The following CACNA1E variants were observed in gnomAD, a reference collection of about 807,000 sequenced individuals.
CACNA1E encodes calcium voltage-gated channel subunit alpha1 E.
Under a neutral mutation model 259.2 loss-of-function variants are expected in CACNA1E, and 40 were observed. That is an observed-to-expected ratio of 0.15 (90% CI 0.12 to 0.20). The LOEUF is 0.20. Ranked by LOEUF, CACNA1E falls within the 10% of genes least tolerant of loss-of-function variation. The pLI, the probability that CACNA1E is intolerant of heterozygous loss-of-function variation, is 1.00. For missense variants in CACNA1E, 1,874 were observed against 3,040.1 expected, an observed-to-expected ratio of 0.62 and a Z score of 9.02; for synonymous variants, 1,104 against 1,138.5, an observed-to-expected ratio of 0.97 and a Z score of 0.61.
chr1:181,704,318 G>C (rs1260568823), intron 7 of CACNA1E, among the ~76,000 whole-genome samples: 1 of 152,120 alleles, frequency 6.6e-6, no homozygotes, highest in African/African-American at 2.4e-5. Flanking sequence ...ACATTGAAGA[G>C]GCTCACCCTA....
At chr1:181,726,777 G>A (rs1654945335) in intron 18 of CACNA1E, among the ~76,000 whole-genome samples, 1 of 152,190 alleles carries the variant, frequency 6.6e-6, no homozygotes. Context: ...CCAGAGTGGA[G>A]GCAGGGAAAG....
chr1:181,604,067 G>C (rs1274976850), intron 6 of CACNA1E, among the ~76,000 whole-genome samples: 1 of 152,212 alleles, frequency 6.6e-6, no homozygotes, highest in East Asian at 1.9e-4. Flanking sequence ...TTTTAAGGGA[G>C]AGGCCAGTCT....
intron 6 of CACNA1E, among the ~76,000 whole-genome samples, chr1:181,592,393 T>G (rs2103028433): frequency 6.7e-6 from 1 of 150,306 alleles, no homozygotes; most frequent in Admixed American, 6.6e-5. Context: ...GCAGCACAGG[T>G]TCTGCTCTCA....
At chr1:181,714,745 T>C (rs1653732101) in intron 8 of CACNA1E, among the ~76,000 whole-genome samples, 1 of 152,198 alleles carries the variant, frequency 6.6e-6, no homozygotes. Flanking sequence ...GGCCCAAGCC[T>C]CTTTGGCTCA....
chr1:181,521,232 C>T (rs911565207), intron 3 of CACNA1E, among the ~76,000 whole-genome samples: 1 of 152,200 alleles, frequency 6.6e-6, no homozygotes. Context: ...AAACAATTTA[C>T]ATCACTGTGG....
intron 32 of CACNA1E, among the ~76,000 whole-genome samples, chr1:181,760,168 A>G (rs1404205097): frequency 6.6e-6 from 1 of 152,200 alleles, no homozygotes; most frequent in Admixed American, 6.5e-5. Flanking sequence ...CTGTGACTTA[A>G]GTCCCATTAT....
chr1:181,328,153 T>C (rs1650940932), intron 1 of CACNA1E, among the ~76,000 whole-genome samples: 1 of 152,152 alleles, frequency 6.6e-6, no homozygotes, highest in Non-Finnish European at 1.5e-5. Flanking sequence ...TTCTGGAGGC[T>C]GGGAAGTCTG....
At position 181,574,172 on chromosome 1, in the gene CACNA1E, C is replaced by G. The variant is rs561742970; in HGVS notation, c.513-3594C>G. On this transcript the variant is annotated intron_variant, in intron 3 of 47. Transcript: ENST00000367573. ...GAAGGGAGAGCATCAGGAGAAATAA[C>G]TAATACGTGCCGGGCTTAATACCTA... is the stretch of plus-strand genomic sequence containing the variant. Among the ~76,000 whole-genome samples the G allele has an allele frequency of 2.6e-5, 4 of 152,306 alleles. No homozygotes were observed. The East Asian group carries it at 5.8e-4, about 22-fold the overall frequency.
In CACNA1E at chr1:181,770,253, G is replaced by A. The variant is rs555309942; in HGVS notation, c.4882-1040G>A. Reference sequence around the variant, plus strand: ...TGGAAAAGTAACCCAGTAAGTCCGCGATTGTCTCAACATTGACTTGTGAGA... The same window carrying A: ...TGGAAAAGTAACCCAGTAAGTCCGCAATTGTCTCAACATTGACTTGTGAGA... On this transcript the variant is annotated intron_variant, in intron 35 of 47. Coordinates refer to ENST00000367573, the MANE Select transcript of CACNA1E (RefSeq NM_001205293.3). 7.9e-5 allele frequency among the ~76,000 whole-genome samples: 12 copies of A among 152,284 alleles called. No homozygotes were observed. In the East Asian group the frequency reaches 1.5e-3, roughly 20 times the overall value.
intron 3 of CACNA1E, among the ~76,000 whole-genome samples, chr1:181,574,979 C>T (rs946633341): frequency 3.3e-5 from 5 of 151,154 alleles, no homozygotes; most frequent in African/African-American, 7.3e-5. Context: ...GAGCTGAGAT[C>T]GTGCCATTGC....
chr1:181,333,984 C>T (rs1651490986), intron 1 of CACNA1E, among the ~76,000 whole-genome samples: 1 of 152,200 alleles, frequency 6.6e-6, no homozygotes, highest in African/African-American at 2.4e-5. Context: ...AGTTGGAATA[C>T]ATTTATAAAG....
chr1:181,547,085 A>G (rs935616268), intron 3 of CACNA1E, among the ~76,000 whole-genome samples: 3 of 152,098 alleles, frequency 2.0e-5, no homozygotes, highest in Non-Finnish European at 2.9e-5. Context: ...AAATCTCACT[A>G]AAGCCCTTCT....
intron 1 of CACNA1E, among the ~76,000 whole-genome samples, chr1:181,493,460 A>G (rs1173486392): frequency 6.6e-6 from 1 of 152,226 alleles, no homozygotes; most frequent in Non-Finnish European, 1.5e-5. Context: ...CTCCAGTGAC[A>G]GGGTGCTCTT....
chr1:181,411,983 A>G (rs530469394), intron 1 of CACNA1E, among the ~76,000 whole-genome samples: 6 of 152,390 alleles, frequency 3.9e-5, no homozygotes, highest in African/African-American at 1.4e-4. Context: ...TGTGGTCACA[A>G]TCGATGTTCT....
chr1:181,527,597 G>A (rs1455154438), intron 3 of CACNA1E, among the ~76,000 whole-genome samples: 1 of 152,200 alleles, frequency 6.6e-6, no homozygotes, highest in Non-Finnish European at 1.5e-5. Context: ...AGCTGGCTGT[G>A]AACAAAATGC....
chr1:181,721,886 T>C lies in CACNA1E; in HGVS notation c.2074+11T>C, dbSNP rs1240708054. 2 of 1,521,690 alleles carry C rather than the reference T, an allele frequency of 1.3e-6. No homozygotes were observed. The highest frequency in any genetic ancestry group is 2.7e-5 in the African/African-American group (2 of 73,178). The allele number at this position is 1,521,690 out of a possible 1,614,324, so 94.3% of individuals were successfully genotyped here. A position where few individuals can be genotyped will look rare whatever the true frequency, so the allele number is the denominator to read the frequency against. ...CCTTGTTTGGCAACTGTATCCTTTT[T>C]AAGATGCACCTCCTCAAGCTGCCTG... is the stretch of plus-strand genomic sequence containing the variant. On this transcript the variant is annotated intron_variant, in intron 16 of 47. Transcript: ENST00000367573.
At chr1:181,719,720 C>T in intron 12 of CACNA1E, 31 bp from the exon 13 acceptor site, 4 of 1,238,336 alleles carry the variant, frequency 3.2e-6, no homozygotes, top group Non-Finnish European at 4.6e-6. Flanking sequence ...TCTTCCTCCT[C>T]CTCTCACTGT....
intron 1 of CACNA1E, among the ~76,000 whole-genome samples, chr1:181,324,041 C>G (rs1650578868): frequency 6.6e-6 from 1 of 152,220 alleles, no homozygotes; most frequent in Admixed American, 6.5e-5. Context: ...GGTGAAAAAT[C>G]ACTTAAGTTC....
At chr1:181,625,516 C>T (rs920965691) in intron 6 of CACNA1E, among the ~76,000 whole-genome samples, 3 of 152,148 alleles carry the variant, frequency 2.0e-5, no homozygotes, top group African/African-American at 4.8e-5. Flanking sequence ...TGTATGGAAA[C>T]GGCTTCTTTC....
Sources: allele counts gnomAD v4.1 joint callset (sites outside exome capture counted in the v4.1 genomes callset), GRCh38; gene constraint gnomAD v4.1.1; transcripts MANE v1.5; gene names NCBI Gene and HGNC (gene_info 2026-07-23, HGNC 2026-07-21).